The following GNB1L variants were observed in gnomAD, a reference collection of about 807,000 sequenced individuals.
GNB1L encodes the protein guanine nucleotide-binding protein subunit beta-like protein 1.
GNB1L carries 20 observed loss-of-function variants against 29.1 expected under a neutral mutation model. The ratio of observed to expected loss-of-function variants is 0.69; its 90% CI spans 0.48 to 1.00. The LOEUF (loss-of-function observed/expected upper bound fraction) is 1.00. Ranked by LOEUF, GNB1L falls within the 50% of genes least tolerant of loss-of-function variation. The probability of loss-of-function intolerance (pLI) is 0.00; values close to 1 mark genes in which losing one functional copy is unlikely to be tolerated. For synonymous variants in GNB1L, 193 were observed against 206.5 expected (o/e 0.93, Z 0.56); for missense variants, 421 against 464.9 (o/e 0.91, Z 0.87).
Position 19,788,605 on chromosome 22 carries a change from G to T in GNB1L, c.*104C>A. 7.1e-7 allele frequency: 1 copy of T among 1,408,696 alleles called. No homozygotes were observed. The highest frequency in any genetic ancestry group is 1.0e-6 in the Non-Finnish European group (1 of 993,480). 87.3% of individuals were successfully genotyped at this position (1,408,696 alleles called of 1,614,324 possible). ...GGGGACTCCATGGTCCTTGGGCCAT[G>T]ACTTGCTGGTCCTCAGAGGCCCTTG... On this transcript the variant is annotated 3_prime_UTR_variant, in exon 8 of 8. Transcript: ENST00000329517.
At position 19,786,737 on chromosome 22, in the gene GNB1L, C is replaced by G. The variant is rs1279833596; in HGVS notation, c.*1972G>C. On this transcript the variant is annotated 3_prime_UTR_variant, in exon 8 of 8. Transcript: ENST00000329517. ...TCATGGGGATGTCAGAACCTGACACCTTCCCTCACTGTGACAGCCTGTGAT... is the reference window on the plus strand; with the variant it reads ...TCATGGGGATGTCAGAACCTGACACGTTCCCTCACTGTGACAGCCTGTGAT... The G allele has an allele frequency of 2.0e-5, 3 of 152,246 alleles. No homozygotes were observed. Among genetic ancestry groups the G allele is most frequent in the Non-Finnish European group, 4.4e-5 (3 of 68,060 alleles). 9.4% of individuals were successfully genotyped at this position (152,246 alleles called of 1,614,324 possible).
At chr22:19,815,123 G>C (rs1419369597) in intron 4 of GNB1L, among the ~76,000 whole-genome samples, 2 of 152,106 alleles carry the variant, frequency 1.3e-5, no homozygotes, top group Non-Finnish European at 2.9e-5. Context: ...CAGCTCAGAG[G>C]ATCCCGGAGC....
intron 2 of GNB1L, among the ~76,000 whole-genome samples, chr22:19,823,759 T>C (rs1014464645): frequency 7.9e-5 from 12 of 151,930 alleles, no homozygotes; most frequent in African/African-American, 2.9e-4. Context: ...AACCCACACA[T>C]AGGACACATG....
At chr22:19,828,970 T>C (rs1457976063) in intron 2 of GNB1L, among the ~76,000 whole-genome samples, 1 of 152,160 alleles carries the variant, frequency 6.6e-6, no homozygotes, top group Non-Finnish European at 1.5e-5. Context: ...TAGCTGGGAC[T>C]ACAGGCACAC....
intron 2 of GNB1L, among the ~76,000 whole-genome samples, chr22:19,836,997 C>T (rs1163198271): frequency 3.4e-5 from 5 of 149,198 alleles, no homozygotes; most frequent in Non-Finnish European, 7.4e-5. Context: ...GATGGAGTCT[C>T]GCTCTGTTGC....
At position 19,787,659 on chromosome 22, in the gene GNB1L, AC is replaced by A. The variant is rs1188795011; in HGVS notation, c.*1049del. ...CAGGGCAACTGCCTCAAGGGAGGCCACCCCGGGCCTTCAGCTAGAGGGGCTC... is the reference window on the plus strand; with the variant it reads ...CAGGGCAACTGCCTCAAGGGAGGCCACCCGGGCCTTCAGCTAGAGGGGCTC... On this transcript the variant is annotated 3_prime_UTR_variant, in exon 8 of 8. Transcript: ENST00000329517. 1 of 152,178 alleles carries A rather than the reference AC, an allele frequency of 6.6e-6. No homozygotes were observed. The highest frequency in any genetic ancestry group is 1.5e-5 in the Non-Finnish European group (1 of 68,068). 9.4% of individuals were successfully genotyped at this position (152,178 alleles called of 1,614,324 possible).
chr22:19,822,396 G>A lies in GNB1L; in HGVS notation c.-20-1021C>T, dbSNP rs142364504. 6.3e-3 allele frequency among the ~76,000 whole-genome samples: 963 copies of A among 152,304 alleles called. 8 individuals are homozygous for A. Among genetic ancestry groups the A allele is most frequent in the Non-Finnish European group, 0.01 (683 of 68,016 alleles). On this transcript the variant is annotated intron_variant, in intron 2 of 7. Coordinates refer to ENST00000329517, the MANE Select transcript of GNB1L (RefSeq NM_053004.3). ...CCACCCAGAGAGGCTTCCCGGGTCC[G>A]TGCCGAGCCCTTCCAACCACTCAGA...
intron 7 of GNB1L, among the ~76,000 whole-genome samples, chr22:19,796,782 C>T (rs996027594): frequency 3.9e-5 from 6 of 152,120 alleles, no homozygotes; most frequent in Non-Finnish European, 7.3e-5. Context: ...GGCTGAGTGC[C>T]GATGGGCTGT....
chr22:19,826,432 C>T (rs765126988), intron 2 of GNB1L, among the ~76,000 whole-genome samples: 2 of 152,164 alleles, frequency 1.3e-5, no homozygotes, highest in Non-Finnish European at 2.9e-5. Flanking sequence ...CAACAAGGCA[C>T]TGTAATCGAG....
chr22:19,821,167 C>A, intron 3 of GNB1L, 61 bp downstream of exon 3: 1 of 1,522,696 alleles, frequency 6.6e-7, no homozygotes, highest in Non-Finnish European at 9.0e-7. Flanking sequence ...GGGCTCCTTG[C>A]TAGCTCACGA....
intron 2 of GNB1L, chr22:19,846,378 G>A: frequency 1.0e-6 from 1 of 973,980 alleles, no homozygotes; most frequent in Non-Finnish European, 1.2e-6. Flanking sequence ...GTGAGAAACA[G>A]CATCCCATAC....
intron 2 of GNB1L, among the ~76,000 whole-genome samples, chr22:19,838,573 C>A (rs1475589383): frequency 1.3e-5 from 2 of 151,846 alleles, no homozygotes; most frequent in Non-Finnish European, 2.9e-5. Context: ...CAGGTTCAAG[C>A]GATTCTCCTG....
intron 5 of GNB1L, among the ~76,000 whole-genome samples, chr22:19,807,509 C>G (rs544521150): frequency 6.6e-6 from 1 of 152,198 alleles, no homozygotes; most frequent in African/African-American, 2.4e-5. Flanking sequence ...AGCTCACTGG[C>G]CCCTGACAGA....
At chr22:19,849,977 G>A (rs1418871563) in intron 2 of GNB1L, 3 of 985,300 alleles carry the variant, frequency 3.0e-6, no homozygotes, top group East Asian at 1.1e-4. Context: ...CCATTCCTCT[G>A]GGCCTGGGGC....
intron 2 of GNB1L, among the ~76,000 whole-genome samples, chr22:19,853,783 A>ATAC (rs1162695669): frequency 1.3e-5 from 2 of 152,090 alleles, no homozygotes; most frequent in East Asian, 3.9e-4. Flanking sequence ...CTGCAGGATT[A>ATAC]TACTAAGGCC....
chr22:19,853,524 C>T lies in GNB1L; in HGVS notation c.-21+919G>A, dbSNP rs758744965. On this transcript the variant is annotated intron_variant, in intron 2 of 7. Transcript: ENST00000329517. ...CTCTCTGCTTCACCCCACACACAAA[C>T]GCCACCGGCTCACTGGGAGCACAAG... Among the ~76,000 whole-genome samples the T allele has an allele frequency of 4.9e-4, 75 of 152,192 alleles. 1 individual carries two copies. Among genetic ancestry groups the T allele is most frequent in the Non-Finnish European group, 1.9e-4 (13 of 68,024 alleles).
intron 2 of GNB1L, among the ~76,000 whole-genome samples, chr22:19,822,761 G>C (rs1349195633): frequency 6.6e-6 from 1 of 152,226 alleles, no homozygotes; most frequent in South Asian, 2.1e-4. Flanking sequence ...CTTCAGAAGG[G>C]GCTGGGTGGT....
At chr22:19,850,464 T>C (rs983713557) in intron 2 of GNB1L, 1 of 1,004,686 alleles carries the variant, frequency 1.0e-6, no homozygotes, top group Non-Finnish European at 1.2e-6. Context: ...CAGGCACGAT[T>C]AGAGCTACAG....
At chr22:19,797,836 C>G (rs1348768797) in intron 7 of GNB1L, among the ~76,000 whole-genome samples, 1 of 152,228 alleles carries the variant, frequency 6.6e-6, no homozygotes, top group Non-Finnish European at 1.5e-5. Context: ...GCCTGCAGCC[C>G]TGACCCCTCT....
Sources: allele counts gnomAD v4.1 joint callset (sites outside exome capture counted in the v4.1 genomes callset), GRCh38; gene constraint gnomAD v4.1.1; transcripts MANE v1.5; gene names NCBI Gene and HGNC (gene_info 2026-07-23, HGNC 2026-07-21).